The following DYNC1I1 variants were observed in gnomAD, a reference collection of about 807,000 sequenced individuals.
DYNC1I1 encodes the protein dynein cytoplasmic 1 intermediate chain 1, also known as cytoplasmic dynein 1 intermediate chain 1.
Under a neutral mutation model 86.6 loss-of-function variants are expected in DYNC1I1, and 43 were observed. The ratio of observed to expected loss-of-function variants is 0.50; its 90% confidence interval spans 0.39 to 0.64. DYNC1I1 has a LOEUF of 0.64. Ranked by LOEUF, DYNC1I1 falls within the 30% of genes least tolerant of loss-of-function variation. The probability of loss-of-function intolerance (pLI) is 0.00; values close to 1 mark genes in which losing one functional copy is unlikely to be tolerated. For synonymous variants in DYNC1I1, 262 were observed against 283.7 expected, an observed-to-expected ratio of 0.92 and a Z score of 0.77; for missense variants, 604 against 788.8, an observed-to-expected ratio of 0.77 and a Z score of 2.81.
chr7:96,075,282 A>G (rs561307985), intron 14 of DYNC1I1, among the ~76,000 whole-genome samples: 2 of 152,066 alleles, frequency 1.3e-5, no homozygotes, highest in South Asian at 4.1e-4. Flanking sequence ...GGGTATGTTA[A>G]CGCATTTCCA....
intron 6 of DYNC1I1, among the ~76,000 whole-genome samples, chr7:95,926,691 T>C (rs1394856118): frequency 2.0e-5 from 3 of 152,146 alleles, no homozygotes; most frequent in African/African-American, 7.2e-5. Context: ...TACATAAACT[T>C]AAAGTAAGGA....
At chr7:95,821,348 T>G (rs1795072824) in intron 4 of DYNC1I1, among the ~76,000 whole-genome samples, 1 of 152,158 alleles carries the variant, frequency 6.6e-6, no homozygotes, top group African/African-American at 2.4e-5. Flanking sequence ...AGCTCAATGG[T>G]AATGAGGACT....
chr7:95,946,138 A>G (rs1421382015), intron 6 of DYNC1I1, among the ~76,000 whole-genome samples: 1 of 151,808 alleles, frequency 6.6e-6, no homozygotes, highest in African/African-American at 2.4e-5. Context: ...AACAACACAC[A>G]CTGGGGCCTG....
chr7:95,934,893 A>C (rs1791996694), intron 6 of DYNC1I1, among the ~76,000 whole-genome samples: 1 of 151,940 alleles, frequency 6.6e-6, no homozygotes, highest in African/African-American at 2.4e-5. Context: ...AAAGTTAAGA[A>C]AAAACACCGA....
At chr7:95,791,297 C>T (rs942089670) in intron 1 of DYNC1I1, among the ~76,000 whole-genome samples, 5 of 152,182 alleles carry the variant, frequency 3.3e-5, no homozygotes, top group Admixed American at 6.5e-5. Context: ...AGAGAGAGTG[C>T]CCATTTCAGG....
chr7:95,776,310 C>T (rs1232684025), intron 1 of DYNC1I1, among the ~76,000 whole-genome samples: 2 of 152,148 alleles, frequency 1.3e-5, no homozygotes, highest in East Asian at 1.9e-4. Flanking sequence ...AAGTTTCCAT[C>T]GTAACATAGA....
intron 5 of DYNC1I1, among the ~76,000 whole-genome samples, chr7:95,855,565 G>A (rs1789696600): frequency 6.6e-6 from 1 of 152,144 alleles, no homozygotes; most frequent in African/African-American, 2.4e-5. Context: ...GCATTGTTTG[G>A]TGATTTTGCC....
At chr7:96,077,284 G>A (rs739511) in intron 15 of DYNC1I1, among the ~76,000 whole-genome samples, 55,948 of 148,670 alleles carry the variant, frequency 0.38, 10,734 homozygotes, top group African/African-American at 0.46. Context: ...TGTGGGAGGG[G>A]GCAGGGAAAT....
intron 6 of DYNC1I1, among the ~76,000 whole-genome samples, chr7:95,973,631 C>T (rs1415007377): frequency 2.0e-5 from 3 of 152,166 alleles, no homozygotes; most frequent in African/African-American, 7.2e-5. Context: ...TATGCATAAA[C>T]CTAGACATTG....
intron 10 of DYNC1I1, among the ~76,000 whole-genome samples, chr7:96,014,996 A>T (rs954643865): frequency 6.6e-6 from 1 of 151,896 alleles, no homozygotes; most frequent in Non-Finnish European, 1.5e-5. Context: ...CTTTTTTTCA[A>T]CTCCTGGAGA....
chr7:96,094,080 G>A (rs1790926645), intron 16 of DYNC1I1, among the ~76,000 whole-genome samples: 2 of 152,112 alleles, frequency 1.3e-5, no homozygotes. Flanking sequence ...TTTAATGTCA[G>A]TGAAGTTTTT....
intron 14 of DYNC1I1, among the ~76,000 whole-genome samples, chr7:96,048,709 G>A (rs936765032): frequency 2.0e-5 from 3 of 152,126 alleles, no homozygotes; most frequent in Admixed American, 6.5e-5. Flanking sequence ...GAGAACTGGG[G>A]ATCTAGTTTA....
At chr7:96,074,802 A>G (rs1470511124) in intron 14 of DYNC1I1, among the ~76,000 whole-genome samples, 1 of 152,212 alleles carries the variant, frequency 6.6e-6, no homozygotes, top group East Asian at 1.9e-4. Flanking sequence ...CCCTACAGAT[A>G]CATTCTTTAA....
intron 6 of DYNC1I1, among the ~76,000 whole-genome samples, chr7:95,884,312 G>C (rs1406955134): frequency 6.6e-6 from 1 of 152,118 alleles, no homozygotes; most frequent in Non-Finnish European, 1.5e-5. Flanking sequence ...GGAAACTAAC[G>C]GGTAAGAGAG....
chr7:95,923,374 A>G (rs974853861), intron 6 of DYNC1I1, among the ~76,000 whole-genome samples: 13 of 152,102 alleles, frequency 8.5e-5, no homozygotes, highest in African/African-American at 3.1e-4. Flanking sequence ...TTTAAAAAAT[A>G]GAGAGACCCC....
At chr7:95,887,961 G>A (rs1013009262) in intron 6 of DYNC1I1, among the ~76,000 whole-genome samples, 3 of 152,260 alleles carry the variant, frequency 2.0e-5, no homozygotes, top group South Asian at 4.1e-4. Flanking sequence ...TCAGTGCTCA[G>A]TGGTGACAGT....
chr7:95,956,779 T>C (rs2116496207), intron 6 of DYNC1I1, among the ~76,000 whole-genome samples: 1 of 152,178 alleles, frequency 6.6e-6, no homozygotes, highest in East Asian at 1.9e-4. Flanking sequence ...ATCCAGTCTA[T>C]CATTGATGGG....
intron 1 of DYNC1I1, among the ~76,000 whole-genome samples, chr7:95,787,969 G>T (rs1474396662): frequency 6.6e-6 from 1 of 152,152 alleles, no homozygotes; most frequent in Non-Finnish European, 1.5e-5. Flanking sequence ...AAGACCCTGA[G>T]GTGGGTGTGT....
intron 6 of DYNC1I1, among the ~76,000 whole-genome samples, chr7:95,932,873 T>A (rs934819778): frequency 8.2e-6 from 1 of 121,928 alleles, no homozygotes. Flanking sequence ...CTTTATTTAT[T>A]TTTTAATTTT....
Sources: allele counts gnomAD v4.1 joint callset (sites outside exome capture counted in the v4.1 genomes callset), GRCh38; gene constraint gnomAD v4.1.1; transcripts MANE v1.5; gene names NCBI Gene and HGNC (gene_info 2026-07-23, HGNC 2026-07-21).